AHDC1: variants seen among roughly 807,000 people sequenced by gnomAD.
AHDC1 encodes the protein AT-hook DNA binding motif containing 1, also known as transcription factor Gibbin.
AHDC1 carries 7 observed loss-of-function variants against 87.9 expected under a neutral mutation model. That is an observed-to-expected ratio of 0.08 (90% CI 0.05 to 0.15). The LOEUF is 0.15. Ranked by LOEUF, AHDC1 falls within the 10% of genes least tolerant of loss-of-function variation. The pLI, the probability that AHDC1 is intolerant of heterozygous loss-of-function variation, is 1.00. For synonymous variants in AHDC1, 1,051 were observed against 1,006.8 expected (o/e 1.04, Z -0.83); for missense variants, 1,841 against 2,253.2 (o/e 0.82, Z 3.70).
chr1:27,544,236 G>A (rs564575844), intron 8 of AHDC1, among the ~76,000 whole-genome samples: 6 of 152,258 alleles, frequency 3.9e-5, no homozygotes, highest in South Asian at 4.1e-4. Flanking sequence ...GTGAGGCAGC[G>A]TTACATAAAG....
chr1:27,603,125 C>A (rs1213797490), intron 3 of AHDC1, among the ~76,000 whole-genome samples: 1 of 151,288 alleles, frequency 6.6e-6, no homozygotes, highest in Non-Finnish European at 1.5e-5. Context: ...AGCCGCGGGG[C>A]GGCCAGGAAA....
At chr1:27,564,621 T>C (rs1024274771) in intron 3 of AHDC1, among the ~76,000 whole-genome samples, 28 of 152,314 alleles carry the variant, frequency 1.8e-4, no homozygotes, top group African/African-American at 6.5e-4. Context: ...CACCTGGAGC[T>C]GTTTCTTTAA....
chr1:27,545,135 G>C (rs554260080), intron 8 of AHDC1, among the ~76,000 whole-genome samples: 12 of 151,310 alleles, frequency 7.9e-5, no homozygotes, highest in African/African-American at 2.9e-4. Context: ...TGCTGTGTGC[G>C]CTCACAAGCT....
intron 8 of AHDC1, among the ~76,000 whole-genome samples, chr1:27,540,998 T>C (rs1160246779): frequency 2.4e-5 from 1 of 42,074 alleles, no homozygotes; most frequent in Non-Finnish European, 4.4e-5. Flanking sequence ...CATCTAAAAA[T>C]GCTAAAAAAA....
intron 3 of AHDC1, among the ~76,000 whole-genome samples, chr1:27,584,398 G>A (rs2088989646): frequency 6.6e-6 from 1 of 152,212 alleles, no homozygotes; most frequent in African/African-American, 2.4e-5. Flanking sequence ...TAGCATCAAT[G>A]CCATTATTAT....
chr1:27,561,665 G>A lies in AHDC1; in HGVS notation c.-628-2782C>T, dbSNP rs1226104092. Among the ~76,000 whole-genome samples the A allele has an allele frequency of 3.3e-5, 5 of 151,040 alleles. No individual in the cohort carries two copies. Among genetic ancestry groups the A allele is most frequent in the South Asian group, 2.1e-4 (1 of 4,744 alleles). On this transcript the variant is annotated intron_variant, in intron 3 of 8. Coordinates refer to ENST00000673934, the MANE Select transcript of AHDC1 (RefSeq NM_001371928.1). This position sits in a 1 kb window ranked among gnomAD's most constrained non-coding sequence, Gnocchi z 4.2. ...TTTGTTCTGGTTGCAGACACCAGCCGAGACCACACAAGAGAGAGAGAGGAA... is the reference window on the plus strand; with the variant it reads ...TTTGTTCTGGTTGCAGACACCAGCCAAGACCACACAAGAGAGAGAGAGGAA...
chr1:27,536,954 A>G (rs1402857589), intron 8 of AHDC1, among the ~76,000 whole-genome samples: 1 of 150,650 alleles, frequency 6.6e-6, no homozygotes, highest in Admixed American at 6.6e-5. Flanking sequence ...TGCCAGAACC[A>G]TTCCCGCGGT....
At position 27,549,460 on chromosome 1, in the gene AHDC1, C is replaced by A; in HGVS notation, c.2656G>T (p.Ala886Ser). The A allele has an allele frequency of 6.2e-7, 1 of 1,612,852 alleles. No individual in the cohort carries two copies. Residue 886 changes from alanine (A) to serine (S), a missense_variant, in exon 8 of 9, where the codon GCC becomes TCC. This residue lies in a region of AHDC1 where 378 missense variants were observed against 399.0 expected (regional missense o/e 0.95). Coordinates refer to ENST00000673934, the MANE Select transcript of AHDC1 (RefSeq NM_001371928.1). ...TTGGCTCCCCGGCTAGGGAAGGTGG[C>A]CAGGCCCCGCTGGGCAGGCAGGGCA... ...TSALPAQRGLATFPSRGAKAS... is the reference protein window; with the variant it reads ...TSALPAQRGLSTFPSRGAKAS...
In AHDC1 at chr1:27,549,692, A is replaced by G; in HGVS notation, c.2424T>C (p.Ser808=). The change falls in exon 8 of 9, where the codon AGT becomes AGC. Residue 808 remains serine (S), a synonymous_variant. Transcript: ENST00000673934. The stretch of plus-strand genomic sequence containing the variant: ...AGTAGCTGCCACGGCCTGAGGCTCC[A>G]CTCTCCAGCCCAGTGGAGGCAAAGG... The part of the protein sequence containing the change: ...ARAFASTGLE[S]GASGRGSYYS... 6.2e-7 allele frequency: 1 copy of G among 1,611,440 alleles called. No homozygotes were observed. The highest frequency in any genetic ancestry group is 8.5e-7 in the Non-Finnish European group (1 of 1,179,546).
At chr1:27,575,724 G>A (rs1553163660) in intron 3 of AHDC1, among the ~76,000 whole-genome samples, 1 of 151,776 alleles carries the variant, frequency 6.6e-6, no homozygotes, top group Non-Finnish European at 1.5e-5. Context: ...GTCTGGCCGG[G>A]CGGGGGCCAA....
chr1:27,539,327 G>A (rs2018799163), intron 8 of AHDC1, among the ~76,000 whole-genome samples: 1 of 151,050 alleles, frequency 6.6e-6, no homozygotes, highest in South Asian at 2.1e-4. Flanking sequence ...TGTAGAGATG[G>A]GGTCTTACTA....
rs2089451011 is a variant in AHDC1 at position 27,598,922 on chromosome 1, C to T, written c.-629+4475G>A. Among the ~76,000 whole-genome samples, 1 of 152,164 alleles carries T rather than the reference C, an allele frequency of 6.6e-6. No homozygotes were observed. Among genetic ancestry groups the T allele is most frequent in the African/African-American group, 2.4e-5 (1 of 41,420 alleles). On this transcript the variant is annotated intron_variant, in intron 3 of 8. Transcript: ENST00000673934. This position sits in a 1 kb window ranked among gnomAD's most constrained non-coding sequence, Gnocchi z 4.2. Reference sequence around the variant, plus strand: ...AAAGCCAGCAGCTTCAGACAGCATCCCTTAACATTCTCCCTGGCTACTCTG... The same window carrying T: ...AAAGCCAGCAGCTTCAGACAGCATCTCTTAACATTCTCCCTGGCTACTCTG...
chr1:27,554,964 A>G (rs989212514), intron 5 of AHDC1, among the ~76,000 whole-genome samples: 1 of 152,234 alleles, frequency 6.6e-6, no homozygotes, highest in African/African-American at 2.4e-5. Flanking sequence ...GTGTATGTGT[A>G]ACTTGCCTGA....
chr1:27,557,302 C>T (rs1025300489), intron 5 of AHDC1, among the ~76,000 whole-genome samples: 7 of 151,206 alleles, frequency 4.6e-5, no homozygotes, highest in South Asian at 2.1e-4. Flanking sequence ...TCCAGACTCC[C>T]GTCCTTGTCT....
chr1:27,553,661 C>T (rs1340472729), intron 5 of AHDC1: 2 of 152,172 alleles, frequency 1.3e-5, no homozygotes, highest in Non-Finnish European at 2.9e-5. Context: ...ACAGAAACTA[C>T]CCCCTGGAAG....
At chr1:27,569,605 G>A (rs557866599) in intron 3 of AHDC1, among the ~76,000 whole-genome samples, 174 of 152,254 alleles carry the variant, frequency 1.1e-3, no homozygotes, top group African/African-American at 4.0e-3. Context: ...AGTGTGTTTG[G>A]AGAAGGGAAG....
rs528954467 is a variant in AHDC1, at chr1:27,571,022, G to A, written c.-628-12139C>T. Reference sequence around the variant, plus strand: ...AGCCTGGGGGAGCTCACATACCAACGCAAGGGGTGGGAGAGCTCCTTTAAC... The same window carrying A: ...AGCCTGGGGGAGCTCACATACCAACACAAGGGGTGGGAGAGCTCCTTTAAC... On this transcript the variant is annotated intron_variant, in intron 3 of 8. Coordinates refer to ENST00000673934, the MANE Select transcript of AHDC1 (RefSeq NM_001371928.1). Among the ~76,000 whole-genome samples, 3 of 152,198 alleles carry A rather than the reference G, an allele frequency of 2.0e-5. No individual in the cohort carries two copies. In the South Asian group the frequency reaches 6.2e-4, roughly 32 times the overall value.
rs202176790 is a variant in AHDC1, at chr1:27,549,048, G to C, written c.3068C>G (p.Pro1023Arg). 1.3e-6 allele frequency: 2 copies of C among 1,576,166 alleles called. No homozygotes were observed. The highest frequency in any genetic ancestry group is 1.7e-6 in the Non-Finnish European group (2 of 1,160,578). ...TGGCAGGCAGGGGCCCCCGGTAGGC[G>C]GTGGGGCATAGCCGGCGCTGTGGGC... ...SSAHSAGYAP[P>R]PTGGPCLPPS... Residue 1023 changes from proline to arginine, a missense_variant, in exon 8 of 9, where the codon CCG becomes CGG. Around this residue, in one of 13 missense-constraint regions of AHDC1, gnomAD observed 378 missense variants for 399.0 expected, o/e 0.95. Coordinates refer to ENST00000673934, the MANE Select transcript of AHDC1 (RefSeq NM_001371928.1).
chr1:27,588,437 C>T (rs2089123648), intron 3 of AHDC1, among the ~76,000 whole-genome samples: 1 of 152,226 alleles, frequency 6.6e-6, no homozygotes, highest in African/African-American at 2.4e-5. Flanking sequence ...TCAATGAATG[C>T]TCTGTATAGA....
Sources: allele counts gnomAD v4.1 joint callset (sites outside exome capture counted in the v4.1 genomes callset), GRCh38; gene constraint gnomAD v4.1.1; regional missense constraint gnomAD v4.1.1; non-coding constraint Gnocchi (gnomAD v3.1); transcripts MANE v1.5; gene names NCBI Gene and HGNC (gene_info 2026-07-23, HGNC 2026-07-21).